Variants in CEP89 observed in about 807,000 individuals in gnomAD.
The protein encoded by CEP89 is centrosomal protein 89, also known as centrosomal protein of 89 kDa.
CEP89 carries 95 observed loss-of-function variants against 97.6 expected under a neutral mutation model. The observed-to-expected ratio is 0.97, with a 90% CI of 0.82 to 1.15. The LOEUF (loss-of-function observed/expected upper bound fraction) is 1.15, where lower values mean the gene tolerates loss of function less well. CEP89 is among the 50% of genes most tolerant of loss of function. The pLI, the probability that CEP89 is intolerant of heterozygous loss-of-function variation, is 0.00. For missense variants in CEP89, 869 were observed against 947.7 expected (o/e 0.92, Z 1.09); for synonymous variants, 354 against 349.1 (o/e 1.01, Z -0.16).
intron 14 of CEP89, among the ~76,000 whole-genome samples, chr19:32,912,268 AC>A (rs1372449623): frequency 1.3e-5 from 2 of 152,062 alleles, no homozygotes; most frequent in Admixed American, 1.3e-4. Flanking sequence ...TTTATGTGTC[AC>A]CTTGGCTCGG....
At chr19:32,919,939 C>G (rs999815075) in intron 12 of CEP89, among the ~76,000 whole-genome samples, 1 of 152,220 alleles carries the variant, frequency 6.6e-6, no homozygotes, top group African/African-American at 2.4e-5. Flanking sequence ...AGCCACCATG[C>G]CCAGCCGCAT....
intron 4 of CEP89, among the ~76,000 whole-genome samples, chr19:32,950,155 G>A (rs1462812457): frequency 2.6e-5 from 4 of 151,888 alleles, no homozygotes; most frequent in East Asian, 3.9e-4. Context: ...ACGCAAGGCC[G>A]ACCTCAAGCT....
intron 11 of CEP89, among the ~76,000 whole-genome samples, chr19:32,924,004 CTTTT>C (rs746080149): frequency 3.1e-5 from 4 of 129,730 alleles, no homozygotes; most frequent in Non-Finnish European, 5.0e-5. Flanking sequence ...GGAGGAAGCT[CTTTT>C]TTTTTTTTTT....
intron 7 of CEP89, 56 bp downstream of exon 7, chr19:32,937,575 C>T (rs755960879): frequency 8.0e-7 from 1 of 1,245,264 alleles, no homozygotes; most frequent in Non-Finnish European, 1.2e-6. Flanking sequence ...TAAAATTAAT[C>T]TGGATATTCT....
At chr19:32,885,883 CTG>C (rs550221015) in intron 17 of CEP89, among the ~76,000 whole-genome samples, 80 of 152,312 alleles carry the variant, frequency 5.3e-4, no homozygotes, top group Non-Finnish European at 9.8e-4. Flanking sequence ...ACTTTCCTGT[CTG>C]TCTTTCTCGG....
At chr19:32,905,073 CTAAG>C (rs751576139) in intron 14 of CEP89, among the ~76,000 whole-genome samples, 25 of 152,178 alleles carry the variant, frequency 1.6e-4, no homozygotes, top group Non-Finnish European at 2.4e-4. Context: ...CCCAAACCTT[CTAAG>C]TTTTTCATGC....
chr19:32,883,997 G>C (rs1210603911), intron 17 of CEP89, among the ~76,000 whole-genome samples: 1 of 152,104 alleles, frequency 6.6e-6, no homozygotes, highest in African/African-American at 2.4e-5. Flanking sequence ...ATGTAGACAG[G>C]ATCTCACTAT....
chr19:32,923,029 G>A (rs1176894523), intron 12 of CEP89, among the ~76,000 whole-genome samples: 3 of 152,132 alleles, frequency 2.0e-5, no homozygotes, highest in Non-Finnish European at 4.4e-5. Context: ...TGCCAGGGCA[G>A]GCGGATGGAA....
chr19:32,926,874 T>G, intron 10 of CEP89, 60 bp downstream of exon 10: 5 of 1,494,420 alleles, frequency 3.3e-6, no homozygotes, highest in Non-Finnish European at 4.7e-6. Context: ...AAATGGTTTT[T>G]AATAGCTATG....
intron 7 of CEP89, among the ~76,000 whole-genome samples, chr19:32,934,765 G>A (rs996767518): frequency 2.0e-5 from 3 of 152,094 alleles, no homozygotes; most frequent in Non-Finnish European, 4.4e-5. Context: ...GGGGAGGGGT[G>A]GCTCCAGGGA....
rs547786728 is a variant in CEP89 at position 32,891,831 on chromosome 19, G to A, written c.1876-3990C>T. Among the ~76,000 whole-genome samples, 9 of 151,096 alleles carry A rather than the reference G, an allele frequency of 6.0e-5. No individual in the cohort carries two copies. The East Asian group carries it at 1.8e-3, about 29-fold the overall frequency. On this transcript the variant is annotated intron_variant, in intron 16 of 18. Transcript: ENST00000305768. ...TGAAAGAGAGAGAGAGAGAAAGAGA[G>A]AGAGAAACAGAGAGAGAGAGAGAAA...
Position 32,933,621 on chromosome 19 carries a change from T to A in CEP89, c.716A>T (p.Lys239Met), listed in dbSNP as rs751288515. The change falls in exon 8 of 19, where the codon AAG becomes ATG. Residue 239 changes from lysine (K) to methionine (M), a missense_variant. Lys to Met is a moderately conservative substitution (Grantham distance 95). Coordinates refer to ENST00000305768, the MANE Select transcript of CEP89 (RefSeq NM_032816.5). The part of the protein sequence containing the change: ...RQRYTEITRE[K>M]FEALKEENMD... Reference sequence around the variant, plus strand: ...ATTTTCTTCTTTTAATGCCTCAAACTTTTCTCTGGTTATTTCTGTATATCT... The same window carrying A: ...ATTTTCTTCTTTTAATGCCTCAAACATTTCTCTGGTTATTTCTGTATATCT... The A allele has an allele frequency of 5.6e-6, 9 of 1,613,464 alleles. No individual in the cohort carries two copies. The South Asian group carries it at 9.9e-5, about 18-fold the overall frequency.
In CEP89 at chr19:32,882,029, ACT is replaced by A; in HGVS notation, c.1966-18_1966-17del. 1 of 1,553,062 alleles carries A rather than the reference ACT, an allele frequency of 6.4e-7. No individual in the cohort carries two copies. Among genetic ancestry groups the A allele is most frequent in the Non-Finnish European group, 8.7e-7 (1 of 1,148,830 alleles). On this transcript the variant is annotated splice_polypyrimidine_tract_variant and intron_variant, in intron 17 of 18. Transcript: ENST00000305768. ...TCTTGTAGCCCTGGTCGGGGGAAGG[ACT>A]CTGTGAATGAGGGGACGCTGCCAGG...
intron 16 of CEP89, among the ~76,000 whole-genome samples, chr19:32,892,048 C>A (rs375912375): frequency 6.7e-6 from 1 of 149,208 alleles, no homozygotes; most frequent in African/African-American, 2.5e-5. Context: ...CTTCTCCCGA[C>A]GACATTATAG....
At chr19:32,967,506 G>GAAA (rs79937657) in intron 1 of CEP89, among the ~76,000 whole-genome samples, 6 of 126,052 alleles carry the variant, frequency 4.8e-5, no homozygotes, top group South Asian at 2.3e-4. Context: ...CACTAAAAAT[G>GAAA]AAAAAAAAAA....
Position 32,914,164 on chromosome 19 carries a change from CA to C in CEP89, c.1565+1172del, listed in dbSNP as rs1247420347. The stretch of plus-strand genomic sequence containing the variant: ...ACATATGGTGGCTATTTTCCTATGT[CA>C]AAAAGGATCTTGTGTCACATCATAT... On this transcript the variant is annotated intron_variant, in intron 14 of 18. Transcript: ENST00000305768. Among the ~76,000 whole-genome samples the C allele has an allele frequency of 1.4e-4, 21 of 152,208 alleles. 3 individuals carry two copies. Among genetic ancestry groups the C allele is most frequent in the African/African-American group, 4.8e-4 (20 of 41,540 alleles).
In CEP89 at chr19:32,912,973, G is replaced by A. The variant is rs531367453; in HGVS notation, c.1565+2364C>T. 1.9e-4 allele frequency among the ~76,000 whole-genome samples: 29 copies of A among 151,538 alleles called. 1 individual carries two copies. The East Asian group carries it at 5.2e-3, about 27-fold the overall frequency. On this transcript the variant is annotated intron_variant, in intron 14 of 18. Transcript: ENST00000305768. ...AGGAGAATGGCGTGAACCCCGGGGGGCGGAGCCTGCAGTGAGCCGAGATAG... is the reference window on the plus strand; with the variant it reads ...AGGAGAATGGCGTGAACCCCGGGGGACGGAGCCTGCAGTGAGCCGAGATAG...
At chr19:32,881,708 A>T in intron 18 of CEP89, 136 bp downstream of exon 18, 1 of 785,758 alleles carries the variant, frequency 1.3e-6, no homozygotes, top group Non-Finnish European at 1.9e-6. Flanking sequence ...GACCAATATT[A>T]CATTCAGATC....
At chr19:32,940,572 A>C (rs1202506896) in intron 5 of CEP89, among the ~76,000 whole-genome samples, 1 of 152,176 alleles carries the variant, frequency 6.6e-6, no homozygotes, top group East Asian at 1.9e-4. Flanking sequence ...CCCTCCCTAG[A>C]TGCATCATCC....
Sources: gnomAD v4.1 joint callset for allele counts (sites outside exome capture counted in the v4.1 genomes callset) on GRCh38, gnomAD v4.1.1 for gene constraint, MANE v1.5 for transcripts, NCBI Gene and HGNC (gene_info 2026-07-23, HGNC 2026-07-21) for gene names.